IGF1R: variants seen among roughly 807,000 people sequenced by gnomAD.
IGF1R encodes insulin-like growth factor 1 receptor.
Under a neutral mutation model 144.6 loss-of-function variants are expected in IGF1R, and 44 were observed. The observed-to-expected ratio is 0.30, with a 90% CI of 0.24 to 0.39. The LOEUF (loss-of-function observed/expected upper bound fraction) is 0.39, where lower values mean the gene tolerates loss of function less well. Among genes scored for constraint, IGF1R ranks in the 10% least tolerant of loss-of-function variants. The pLI, the probability that IGF1R is intolerant of heterozygous loss-of-function variation, is 1.00. For synonymous variants in IGF1R, 795 were observed against 722.8 expected (o/e 1.10, Z -1.60); for missense variants, 1,355 against 1,833.7 (o/e 0.74, Z 4.77).
chr15:98,747,482 C>T (rs1490326633), intron 2 of IGF1R, among the ~76,000 whole-genome samples: 1 of 152,176 alleles, frequency 6.6e-6, no homozygotes, highest in Non-Finnish European at 1.5e-5. Context: ...AGCCACTGTG[C>T]CCTGGCACTA....
intron 2 of IGF1R, among the ~76,000 whole-genome samples, chr15:98,731,529 A>T (rs2054496606): frequency 6.6e-6 from 1 of 152,110 alleles, no homozygotes; most frequent in Non-Finnish European, 1.5e-5. Flanking sequence ...GCTCTTACTT[A>T]TCTGTGTATC....
At position 98,935,635 on chromosome 15, in the gene IGF1R, C is replaced by T. The variant is rs2016112474; in HGVS notation, c.3297+209C>T. 6.6e-6 allele frequency among the ~76,000 whole-genome samples: 1 copy of T among 152,138 alleles called. No homozygotes were observed. Among genetic ancestry groups the T allele is most frequent in the Admixed American group, 6.5e-5 (1 of 15,272 alleles). ...ATCTTCGTGAGGGGAACTTCCTGTT[C>T]CTTGGATCCCCTCTGCTAAGCCCCT... On this transcript the variant is annotated intron_variant, in intron 17 of 20. Coordinates refer to ENST00000650285, the MANE Select transcript of IGF1R (RefSeq NM_000875.5). The surrounding 1 kb of genome is among the most constrained non-coding windows in gnomAD (Gnocchi z 4.2).
In IGF1R at chr15:98,668,660, A is replaced by G. The variant is rs146351990; in HGVS notation, c.94+18985A>G. Among the ~76,000 whole-genome samples the G allele has an allele frequency of 2.1e-3, 322 of 152,348 alleles. 1 individual carries two copies. The highest frequency in any genetic ancestry group is 7.3e-3 in the African/African-American group (303 of 41,574). On this transcript the variant is annotated intron_variant, in intron 1 of 20. Transcript: ENST00000650285. ...TTTAAACTCTGCAGGAGCTACATAG[A>G]GGAAGTTATACTCCAGGAGAGCTTA... is the stretch of plus-strand genomic sequence containing the variant.
chr15:98,871,178 C>T (rs1459696492), intron 2 of IGF1R, among the ~76,000 whole-genome samples: 1 of 152,250 alleles, frequency 6.6e-6, no homozygotes, highest in African/African-American at 2.4e-5. Flanking sequence ...TATTTAGACC[C>T]AGCTCTCAAG....
At chr15:98,951,479 A>C (rs1462502300) in intron 20 of IGF1R, among the ~76,000 whole-genome samples, 1 of 152,268 alleles carries the variant, frequency 6.6e-6, no homozygotes, top group Non-Finnish European at 1.5e-5. Flanking sequence ...CAAACTACCC[A>C]AAACCTACTA....
intron 2 of IGF1R, among the ~76,000 whole-genome samples, chr15:98,744,798 T>C (rs1290962377): frequency 6.6e-6 from 1 of 152,132 alleles, no homozygotes; most frequent in Non-Finnish European, 1.5e-5. Context: ...TGATGAACTT[T>C]GTATATGCTT....
intron 5 of IGF1R, among the ~76,000 whole-genome samples, chr15:98,907,493 C>T (rs2014789855): frequency 6.6e-6 from 1 of 152,194 alleles, no homozygotes; most frequent in African/African-American, 2.4e-5. Context: ...TTAGAAGTCA[C>T]TCAAAGTACT....
At chr15:98,664,115 A>G (rs1227471862) in intron 1 of IGF1R, among the ~76,000 whole-genome samples, 1 of 152,092 alleles carries the variant, frequency 6.6e-6, no homozygotes, top group African/African-American at 2.4e-5. Flanking sequence ...GGCTTTTGTA[A>G]CACTTTCCTG....
At chr15:98,660,012 T>A (rs1187807644) in intron 1 of IGF1R, among the ~76,000 whole-genome samples, 1 of 152,246 alleles carries the variant, frequency 6.6e-6, no homozygotes. Context: ...TTTATTGATA[T>A]TTTCAGAATC....
chr15:98,680,166 T>C (rs1567072144), intron 1 of IGF1R, among the ~76,000 whole-genome samples: 2 of 152,126 alleles, frequency 1.3e-5, no homozygotes, highest in East Asian at 3.8e-4. Flanking sequence ...TACAGTAATG[T>C]CCTCAGCCTT....
intron 2 of IGF1R, among the ~76,000 whole-genome samples, chr15:98,757,755 TGTTCTCTAATAGGGAC>T (rs1398459736): frequency 6.6e-6 from 1 of 152,194 alleles, no homozygotes; most frequent in East Asian, 1.9e-4. Context: ...GAGACATTTT[TGTTCTCTAATAGGGAC>T]GTTCTGCCTT....
At chr15:98,869,398 A>AGATT (rs903702658) in intron 2 of IGF1R, among the ~76,000 whole-genome samples, 2 of 151,320 alleles carry the variant, frequency 1.3e-5, no homozygotes, top group Admixed American at 6.6e-5. Flanking sequence ...ATGAGAAGGA[A>AGATT]GATTATTCTT....
At position 98,710,204 on chromosome 15, in the gene IGF1R, C is replaced by T. The variant is rs149625439; in HGVS notation, c.640+2097C>T. On this transcript the variant is annotated intron_variant, in intron 2 of 20. Coordinates refer to ENST00000650285, the MANE Select transcript of IGF1R (RefSeq NM_000875.5). ...TTGGTCACCTGCTTCCCCAAGGCCA[C>T]GCCCTGCAGCCTTCTCCTTGACCAT... Among the ~76,000 whole-genome samples, 553 of 152,264 alleles carry T rather than the reference C, an allele frequency of 3.6e-3. 6 individuals carry two copies. Among genetic ancestry groups the T allele is most frequent in the Middle Eastern group, 0.014 (4 of 294 alleles).
Position 98,916,564 on chromosome 15 carries a change from GACCAGC to G in IGF1R, c.1997-107_1997-102del. ...GCCTTGAGCCACCACATCTGGCCGA[GACCAGC>G]TATCTTCTTGATTAAAGGTACTGAG... On this transcript the variant is annotated intron_variant, in intron 9 of 20. Coordinates refer to ENST00000650285, the MANE Select transcript of IGF1R (RefSeq NM_000875.5). 5 of 1,031,716 alleles carry G rather than the reference GACCAGC, an allele frequency of 4.8e-6. No individual in the cohort carries two copies. The South Asian group carries it at 6.6e-5, about 14-fold the overall frequency. The allele number at this position is 1,031,716 out of a possible 1,614,324, so 63.9% of individuals were successfully genotyped here.
At chr15:98,695,648 A>T (rs886212108) in intron 1 of IGF1R, among the ~76,000 whole-genome samples, 1 of 152,266 alleles carries the variant, frequency 6.6e-6, no homozygotes, top group South Asian at 2.1e-4. Flanking sequence ...GGCTTACACA[A>T]TCTCAGAAAT....
At chr15:98,751,526 G>A (rs1011521171) in intron 2 of IGF1R, among the ~76,000 whole-genome samples, 5 of 152,162 alleles carry the variant, frequency 3.3e-5, no homozygotes, top group African/African-American at 1.2e-4. Flanking sequence ...TGAAGGAACC[G>A]TAACATTCTT....
Position 98,959,624 on chromosome 15 carries a change from G to C in IGF1R, c.*2182G>C, listed in dbSNP as rs2017145647. 1 of 233,656 alleles carries C rather than the reference G, an allele frequency of 4.3e-6. No homozygotes were observed. The highest frequency in any genetic ancestry group is 8.5e-6 in the Non-Finnish European group (1 of 117,984). The allele number at this position is 233,656 out of a possible 1,614,324, so 14.5% of individuals were successfully genotyped here. On this transcript the variant is annotated 3_prime_UTR_variant, in exon 21 of 21. Coordinates refer to ENST00000650285, the MANE Select transcript of IGF1R (RefSeq NM_000875.5). ...TCGGCCAGGAATCCAGGTCCTTGGG[G>C]CCCAGGGGTCTTGTCTTGTTTCATT...
intron 2 of IGF1R, among the ~76,000 whole-genome samples, chr15:98,758,410 C>T (rs558525855): frequency 3.9e-5 from 6 of 152,152 alleles, no homozygotes; most frequent in Non-Finnish European, 8.8e-5. Flanking sequence ...CTTTGCTTGC[C>T]GATGGCTGCC....
At chr15:98,803,546 C>T (rs2056408056) in intron 2 of IGF1R, among the ~76,000 whole-genome samples, 1 of 74,882 alleles carries the variant, frequency 1.3e-5, no homozygotes, top group Non-Finnish European at 3.3e-5. Flanking sequence ...TGCTCTGTCC[C>T]CCAGGCTGGA....
Sources: gnomAD v4.1 joint callset for allele counts (sites outside exome capture counted in the v4.1 genomes callset) on GRCh38, gnomAD v4.1.1 for gene constraint, Gnocchi (gnomAD v3.1) non-coding constraint, MANE v1.5 for transcripts, NCBI Gene and HGNC (gene_info 2026-07-23, HGNC 2026-07-21) for gene names.